SEMA6A: variants seen among roughly 807,000 people sequenced by gnomAD.
SEMA6A encodes the protein semaphorin-6A.
In SEMA6A, 25 loss-of-function variants were observed where a neutral mutation model predicts 96.8. That is an observed-to-expected ratio of 0.26 (90% CI 0.19 to 0.36). The LOEUF (loss-of-function observed/expected upper bound fraction) is 0.36. SEMA6A is among the 10% of genes least tolerant of loss of function. The pLI is 1.00. For missense variants in SEMA6A, 1,363 were observed against 1,323.1 expected (o/e 1.03, Z -0.47); for synonymous variants, 612 against 518.0 (o/e 1.18, Z -2.46).
intron 1 of SEMA6A, among the ~76,000 whole-genome samples, chr5:116,546,377 TAA>T (rs1760185631): frequency 6.6e-6 from 1 of 152,228 alleles, no homozygotes; most frequent in Admixed American, 6.5e-5. Flanking sequence ...GCTCACTAGC[TAA>T]AAAGTCTGCT....
chr5:116,573,416 A>G (rs1052759884), intron 1 of SEMA6A, among the ~76,000 whole-genome samples: 1 of 150,316 alleles, frequency 6.7e-6, no homozygotes, highest in Non-Finnish European at 1.5e-5. Flanking sequence ...GCGACGGGCT[A>G]TATCCTTGCC....
intron 1 of SEMA6A, among the ~76,000 whole-genome samples, chr5:116,573,916 G>T (rs898347688): frequency 1.3e-5 from 2 of 152,056 alleles, no homozygotes; most frequent in African/African-American, 4.8e-5. Context: ...GTCGCGGCCC[G>T]GGGCGGCGCC....
chr5:116,455,408 G>A (rs1174619097), intron 18 of SEMA6A, among the ~76,000 whole-genome samples: 2 of 152,200 alleles, frequency 1.3e-5, no homozygotes, highest in African/African-American at 2.4e-5. Context: ...TCTGCAAGGC[G>A]TATTTTCCTG....
intron 1 of SEMA6A, among the ~76,000 whole-genome samples, chr5:116,541,348 AT>A (rs899977536): frequency 1.3e-5 from 2 of 151,926 alleles, no homozygotes; most frequent in African/African-American, 4.9e-5. Context: ...ATTCTTATTT[AT>A]TTTTTTCATG....
intron 17 of SEMA6A, chr5:116,472,771 G>T: frequency 1.4e-6 from 1 of 715,244 alleles, no homozygotes; most frequent in Non-Finnish European, 2.1e-6. Context: ...AGTGAATTGG[G>T]GCCCTAAAGT....
chr5:116,455,365 T>C (rs1754947201), intron 18 of SEMA6A, among the ~76,000 whole-genome samples: 1 of 152,224 alleles, frequency 6.6e-6, no homozygotes. Flanking sequence ...GTAAAGGTAA[T>C]GATTCTTTTA....
At chr5:116,537,683 T>C (rs1242013888) in intron 1 of SEMA6A, among the ~76,000 whole-genome samples, 1 of 152,118 alleles carries the variant, frequency 6.6e-6, no homozygotes, top group Non-Finnish European at 1.5e-5. Flanking sequence ...CTACGCTTAT[T>C]GCCATTAGGA....
intron 1 of SEMA6A, among the ~76,000 whole-genome samples, chr5:116,569,400 T>C (rs559075958): frequency 2.6e-5 from 4 of 151,930 alleles, no homozygotes; most frequent in South Asian, 4.2e-4. Flanking sequence ...GTCAGAGAGG[T>C]TGGAACCTGA....
chr5:116,446,713 G>T lies in SEMA6A; in HGVS notation c.2993C>A (p.Ser998Ter), dbSNP rs781118630. The T allele has an allele frequency of 1.3e-6, 2 of 1,596,710 alleles. No individual in the cohort carries two copies. Among genetic ancestry groups the T allele is most frequent in the East Asian group, 2.3e-5 (1 of 44,360 alleles). ...SLNAYNSLTR[S>*]GLKRTPSLKP... Reference sequence around the variant, plus strand: ...TAGCGAGGGCGTACGCTTCAGCCCCGACCTTGTCAGTGAGTTGTAGGCGTT... The same window carrying T: ...TAGCGAGGGCGTACGCTTCAGCCCCTACCTTGTCAGTGAGTTGTAGGCGTT... The change falls in exon 19 of 19, where the codon TCG becomes TAG. Residue 998 changes from serine (S) to a stop codon, truncating the protein, a stop_gained. Coordinates refer to ENST00000343348, the MANE Select transcript of SEMA6A (RefSeq NM_020796.5). LOFTEE classifies it high-confidence loss of function.
intron 18 of SEMA6A, among the ~76,000 whole-genome samples, chr5:116,450,676 G>A (rs929425682): frequency 3.3e-5 from 5 of 152,110 alleles, no homozygotes; most frequent in East Asian, 1.9e-4. Context: ...GACCTTTCAG[G>A]AAAATGGTAT....
At chr5:116,565,962 A>G (rs1273128532) in intron 1 of SEMA6A, among the ~76,000 whole-genome samples, 1 of 152,196 alleles carries the variant, frequency 6.6e-6, no homozygotes, top group African/African-American at 2.4e-5. Context: ...ATATTAATGA[A>G]AAGACTGAAT....
At chr5:116,452,997 C>T (rs569805025) in intron 18 of SEMA6A, among the ~76,000 whole-genome samples, 2 of 152,352 alleles carry the variant, frequency 1.3e-5, no homozygotes, top group South Asian at 4.1e-4. Flanking sequence ...TACATCACTT[C>T]TGCTTCAACA....
At chr5:116,541,981 T>A (rs768185477) in intron 1 of SEMA6A, among the ~76,000 whole-genome samples, 12 of 152,226 alleles carry the variant, frequency 7.9e-5, no homozygotes, top group Non-Finnish European at 1.6e-4. Flanking sequence ...GAAGCACATG[T>A]CATATCTTGG....
chr5:116,547,093 A>AGT (rs1760218684), intron 1 of SEMA6A, among the ~76,000 whole-genome samples: 2 of 152,058 alleles, frequency 1.3e-5, no homozygotes, highest in Admixed American at 1.3e-4. Flanking sequence ...TTTGCCTTTG[A>AGT]GTCAGATTTT....
chr5:116,494,973 A>C (rs1757515251), intron 6 of SEMA6A, among the ~76,000 whole-genome samples: 1 of 152,222 alleles, frequency 6.6e-6, no homozygotes, highest in Non-Finnish European at 1.5e-5. Flanking sequence ...AATGGAATTA[A>C]ATTCCTGTGT....
intron 1 of SEMA6A, among the ~76,000 whole-genome samples, chr5:116,548,477 C>T (rs930067795): frequency 6.6e-6 from 1 of 152,154 alleles, no homozygotes. Context: ...ATAAAACAGG[C>T]TTCATGGTAT....
intron 16 of SEMA6A, among the ~76,000 whole-genome samples, chr5:116,475,029 T>A (rs1756379702): frequency 6.6e-6 from 1 of 152,220 alleles, no homozygotes; most frequent in African/African-American, 2.4e-5. Context: ...TTGAATTGCC[T>A]TGTACTTGTG....
In SEMA6A at chr5:116,467,575, G is replaced by A; in HGVS notation, c.1894+8C>T. 6.2e-7 allele frequency: 1 copy of A among 1,607,500 alleles called. No homozygotes were observed. Among genetic ancestry groups the A allele is most frequent in the Non-Finnish European group, 8.5e-7 (1 of 1,176,936 alleles). On this transcript the variant is annotated splice_region_variant and intron_variant, in intron 18 of 18. Transcript: ENST00000343348. ...CCCCGAGAGGAAGAGGCATTTCCAA[G>A]GCCTTACCCTTCTTGTCTTGGTGAT...
chr5:116,514,341 A>C (rs1018580286), intron 1 of SEMA6A, among the ~76,000 whole-genome samples: 3 of 151,848 alleles, frequency 2.0e-5, no homozygotes, highest in African/African-American at 7.3e-5. Flanking sequence ...ATGGTATCTG[A>C]TTGTGGTTTT....
Sources: allele counts gnomAD v4.1 joint callset (sites outside exome capture counted in the v4.1 genomes callset), GRCh38; gene constraint gnomAD v4.1.1; transcripts MANE v1.5; gene names NCBI Gene and HGNC (gene_info 2026-07-23, HGNC 2026-07-21).